INTS7: variants seen among roughly 807,000 people sequenced by gnomAD.
INTS7 encodes integrator complex subunit 7, also known as chromosome 1 open reading frame 73.
A neutral mutation model predicts 109.2 loss-of-function variants in INTS7; 46 were observed. The ratio of observed to expected loss-of-function variants is 0.42; its 90% confidence interval spans 0.33 to 0.54. The LOEUF (loss-of-function observed/expected upper bound fraction) is 0.54, where lower values mean the gene tolerates loss of function less well. INTS7 is among the 20% of genes least tolerant of loss of function. INTS7 has a pLI of 0.07. For synonymous variants in INTS7, 412 were observed against 402.9 expected, an observed-to-expected ratio of 1.02 and a Z score of -0.27; for missense variants, 929 against 1,132.4, an observed-to-expected ratio of 0.82 and a Z score of 2.58.
intron 1 of INTS7, among the ~76,000 whole-genome samples, chr1:212,032,520 A>G (rs564051819): frequency 1.9e-3 from 290 of 150,732 alleles, no homozygotes; most frequent in African/African-American, 6.6e-3. Flanking sequence ...TCTGTTGCCC[A>G]GACTGGAGTG....
At chr1:211,993,544 G>A (rs1665234511) in intron 7 of INTS7, among the ~76,000 whole-genome samples, 1 of 152,048 alleles carries the variant, frequency 6.6e-6, no homozygotes, top group African/African-American at 2.4e-5. Flanking sequence ...GCTAGGCGTG[G>A]TGGCAGGCGC....
intron 9 of INTS7, among the ~76,000 whole-genome samples, chr1:211,981,687 G>C (rs547599398): frequency 6.6e-6 from 1 of 152,226 alleles, no homozygotes; most frequent in African/African-American, 2.4e-5. Flanking sequence ...CATAAAGAAT[G>C]AACCTCTTAG....
rs982032531 is a variant in INTS7 at position 212,021,348 on chromosome 1, C to A, written c.95-136G>T. On this transcript the variant is annotated intron_variant, in intron 1 of 19. Transcript: ENST00000366994. ...GAAGCAGGTAAAGTATAATTCATTA[C>A]CCTTTTAAAAGTAAAAATGGTATAT... 15 of 662,440 alleles carry A rather than the reference C, an allele frequency of 2.3e-5. No individual in the cohort carries two copies. In the South Asian group the frequency reaches 4.7e-4, roughly 21 times the overall value. The allele number at this position is 662,440 out of a possible 1,614,324, so 41.0% of individuals were successfully genotyped here.
chr1:212,018,904 T>A (rs192657636), intron 3 of INTS7, among the ~76,000 whole-genome samples: 74 of 152,314 alleles, frequency 4.9e-4, no homozygotes, highest in African/African-American at 1.4e-3. Context: ...ATGATTCATT[T>A]AAAAAATTCC....
intron 4 of INTS7, among the ~76,000 whole-genome samples, chr1:212,012,394 C>T (rs544076542): frequency 7.2e-5 from 11 of 152,098 alleles, no homozygotes; most frequent in African/African-American, 2.4e-4. Flanking sequence ...TCAGTACTGA[C>T]GAAGATATGT....
In INTS7 at chr1:212,007,368, C is replaced by G; in HGVS notation, c.638G>C (p.Ser213Thr). ...HMHHDAILAS[S>T]ARQLLQQLVT... The stretch of plus-strand genomic sequence containing the variant: ...CAGCTGTTGTAAAAGCTGACGAGCA[C>G]TGGAAGCCAAGATTGCATCATGGTG... Residue 213 changes from serine to threonine, a missense_variant, in exon 6 of 20, where the codon AGT becomes ACT. Around this residue, in one of 2 missense-constraint regions of INTS7, gnomAD observed 787 missense variants for 901.1 expected, o/e 0.87. Transcript: ENST00000366994. The G allele has an allele frequency of 6.2e-7, 1 of 1,614,000 alleles. No homozygotes were observed. Among genetic ancestry groups the G allele is most frequent in the Non-Finnish European group, 8.5e-7 (1 of 1,179,934 alleles).
intron 12 of INTS7, 39 bp from the exon 13 acceptor site, chr1:211,975,411 G>T: frequency 6.8e-7 from 1 of 1,468,598 alleles, no homozygotes; most frequent in Non-Finnish European, 9.5e-7. Flanking sequence ...AATAGAAGGA[G>T]CACACGGTGA....
chr1:211,953,455 T>C (rs1179113841), intron 16 of INTS7, among the ~76,000 whole-genome samples: 1 of 151,724 alleles, frequency 6.6e-6, no homozygotes, highest in African/African-American at 2.4e-5. Context: ...AATGTGCAGG[T>C]TTGTTACATA....
chr1:211,956,668 C>T (rs933563399), intron 16 of INTS7, among the ~76,000 whole-genome samples: 10 of 151,982 alleles, frequency 6.6e-5, no homozygotes, highest in Admixed American at 5.9e-4. Context: ...TTCAAAGAAC[C>T]AGCTTCTGGT....
In INTS7 at chr1:211,946,978, T is replaced by G. The variant is rs141270574; in HGVS notation, c.2317-273A>C. On this transcript the variant is annotated intron_variant, in intron 17 of 19. Transcript: ENST00000366994. The surrounding 1 kb of genome is among the most constrained non-coding windows in gnomAD (Gnocchi z 4.3). ...GGCCAAGCAATAGGCAAATTCCACA[T>G]TTCTACAGCGCTCAGAACTATCAGT... is the stretch of plus-strand genomic sequence containing the variant. Among the ~76,000 whole-genome samples the G allele has an allele frequency of 1.6e-3, 247 of 152,334 alleles. No homozygotes were observed. The highest frequency in any genetic ancestry group is 3.4e-3 in the Middle Eastern group (1 of 294).
intron 17 of INTS7, among the ~76,000 whole-genome samples, chr1:211,951,912 A>C (rs1243667037): frequency 1.3e-5 from 2 of 152,180 alleles, no homozygotes; most frequent in African/African-American, 4.8e-5. Context: ...GTGACTGGGA[A>C]ATCAGGGGAG....
chr1:211,986,802 T>C (rs911744192), intron 8 of INTS7, among the ~76,000 whole-genome samples: 1 of 152,190 alleles, frequency 6.6e-6, no homozygotes, highest in Non-Finnish European at 1.5e-5. Context: ...GCACACTAGC[T>C]GGAAGGGAGG....
At position 212,020,279 on chromosome 1, in the gene INTS7, C is replaced by A. The variant is rs1666631965; in HGVS notation, c.225-11G>T. On this transcript the variant is annotated splice_polypyrimidine_tract_variant and intron_variant, in intron 2 of 19. Transcript: ENST00000366994. ...CTCAGGAAATTATTTCTAGAAAAAC[C>A]AGAAATAAATTAGGTCACTTTAGAA... The A allele has an allele frequency of 6.6e-7, 1 of 1,508,686 alleles. No individual in the cohort carries two copies. Among genetic ancestry groups the A allele is most frequent in the South Asian group, 1.3e-5 (1 of 78,920 alleles). 93.5% of individuals were successfully genotyped at this position (1,508,686 alleles called of 1,614,324 possible).
chr1:211,966,426 T>C lies in INTS7; in HGVS notation c.2183+4A>G. ...ACGCCAACTATTATTAATATTAGAA[T>C]TACCTTGCTGATTCTGGATCCAAAA... On this transcript the variant is annotated splice_donor_region_variant and intron_variant, in intron 16 of 19. Transcript: ENST00000366994. 6.6e-7 allele frequency: 1 copy of C among 1,517,434 alleles called. No individual in the cohort carries two copies. The highest frequency in any genetic ancestry group is 9.1e-7 in the Non-Finnish European group (1 of 1,093,270). 94.0% of individuals were successfully genotyped at this position (1,517,434 alleles called of 1,614,324 possible). A position where few individuals can be genotyped will look rare whatever the true frequency, so the allele number is the denominator to read the frequency against.
intron 10 of INTS7, among the ~76,000 whole-genome samples, chr1:211,978,919 T>G (rs1265733479): frequency 6.6e-6 from 1 of 152,210 alleles, no homozygotes; most frequent in Admixed American, 6.5e-5. Flanking sequence ...TATAGATTCC[T>G]GAATTAACAT....
intron 4 of INTS7, among the ~76,000 whole-genome samples, chr1:212,014,981 C>T (rs1666345718): frequency 6.6e-6 from 1 of 151,838 alleles, no homozygotes; most frequent in Non-Finnish European, 1.5e-5. Context: ...AGGAGCGTCT[C>T]TAACCGGCCA....
chr1:212,001,069 T>C (rs969623740), intron 7 of INTS7, among the ~76,000 whole-genome samples: 14 of 150,000 alleles, frequency 9.3e-5, no homozygotes, highest in Admixed American at 6.6e-5. Flanking sequence ...AATTCCTTTT[T>C]TTTTTTTTTT....
intron 8 of INTS7, among the ~76,000 whole-genome samples, chr1:211,986,727 T>C (rs970931532): frequency 6.6e-6 from 1 of 152,200 alleles, no homozygotes; most frequent in Admixed American, 6.5e-5. Context: ...TACTTTCTTG[T>C]TGTTACTGGC....
intron 7 of INTS7, among the ~76,000 whole-genome samples, chr1:212,001,330 C>T (rs971724238): frequency 6.6e-5 from 10 of 152,144 alleles, no homozygotes; most frequent in African/African-American, 9.7e-5. Context: ...GGATTACAGG[C>T]ATGAGCCACC....
Sources: allele counts gnomAD v4.1 joint callset (sites outside exome capture counted in the v4.1 genomes callset), GRCh38; gene constraint gnomAD v4.1.1; regional missense constraint gnomAD v4.1.1; non-coding constraint Gnocchi (gnomAD v3.1); transcripts MANE v1.5; gene names NCBI Gene and HGNC (gene_info 2026-07-23, HGNC 2026-07-21).